Variants in EYS observed in about 807,000 individuals in gnomAD.
EYS encodes the protein EGF-like photoreceptor maintenance factor.
In EYS, 250 loss-of-function variants were observed where a neutral mutation model predicts 282.1. The observed-to-expected ratio is 0.89, with a 90% confidence interval of 0.80 to 0.98. The LOEUF (loss-of-function observed/expected upper bound fraction) is 0.98, where lower values mean the gene tolerates loss of function less well. Among genes scored for constraint, EYS ranks in the 50% least tolerant of loss-of-function variants. The pLI, the probability that EYS is intolerant of heterozygous loss-of-function variation, is 0.00. For synonymous variants in EYS, 1,355 were observed against 1,282.9 expected (o/e 1.06, Z -1.20); for missense variants, 4,016 against 3,709.0 (o/e 1.08, Z -2.15).
chr6:64,315,454 A>G (rs944072126), intron 29 of EYS, among the ~76,000 whole-genome samples: 19 of 151,982 alleles, frequency 1.3e-4, no homozygotes, highest in African/African-American at 4.4e-4. Flanking sequence ...CCTGGCAGAG[A>G]CACATACACA....
intron 18 of EYS, among the ~76,000 whole-genome samples, chr6:64,887,055 A>C (rs1767114572): frequency 6.6e-6 from 1 of 151,858 alleles, no homozygotes; most frequent in Admixed American, 6.6e-5. Context: ...TTTGAAAAAC[A>C]ATGTGTTGGG....
intron 12 of EYS, among the ~76,000 whole-genome samples, chr6:65,212,181 G>A (rs1263009383): frequency 3.3e-5 from 5 of 152,066 alleles, no homozygotes; most frequent in Non-Finnish European, 7.4e-5. Context: ...AATGGATGGA[G>A]ATGGGAATTT....
chr6:63,865,656 C>T (rs1772654432), intron 35 of EYS, among the ~76,000 whole-genome samples: 1 of 151,932 alleles, frequency 6.6e-6, no homozygotes, highest in Non-Finnish European at 1.5e-5. Flanking sequence ...GTAGATCTTA[C>T]CCATACCATG....
At chr6:65,199,432 A>G (rs1765847105) in intron 12 of EYS, among the ~76,000 whole-genome samples, 1 of 152,140 alleles carries the variant, frequency 6.6e-6, no homozygotes, top group Non-Finnish European at 1.5e-5. Flanking sequence ...GAGGCTTCTA[A>G]TATTTCATTC....
At chr6:64,744,600 CTTTAA>C (rs777025630) in intron 22 of EYS, among the ~76,000 whole-genome samples, 14 of 152,174 alleles carry the variant, frequency 9.2e-5, no homozygotes, top group Non-Finnish European at 1.8e-4. Flanking sequence ...GTTATTAAAA[CTTTAA>C]TTTAGTAAAA....
chr6:64,425,012 C>T (rs557307089), intron 28 of EYS, among the ~76,000 whole-genome samples: 14 of 152,144 alleles, frequency 9.2e-5, no homozygotes, highest in African/African-American at 2.4e-4. Context: ...ATACTGAAAA[C>T]GACACATTAT....
At chr6:64,677,341 A>G (rs951137411) in intron 22 of EYS, among the ~76,000 whole-genome samples, 1 of 152,172 alleles carries the variant, frequency 6.6e-6, no homozygotes, top group Non-Finnish European at 1.5e-5. Flanking sequence ...AAAAAAACGC[A>G]ATGCTACTTT....
intron 14 of EYS, among the ~76,000 whole-genome samples, chr6:64,978,626 G>A (rs942621556): frequency 2.0e-5 from 3 of 151,862 alleles, no homozygotes; most frequent in African/African-American, 7.3e-5. Context: ...TTTCTCTGAT[G>A]GATCTGGGAT....
At chr6:65,272,794 G>C (rs1161424151) in intron 12 of EYS, among the ~76,000 whole-genome samples, 1 of 151,954 alleles carries the variant, frequency 6.6e-6, no homozygotes, top group African/African-American at 2.4e-5. Flanking sequence ...AAAATATCTT[G>C]ACATTAAAAA....
At chr6:64,927,110 G>A (rs1001794585) in intron 15 of EYS, among the ~76,000 whole-genome samples, 1 of 152,244 alleles carries the variant, frequency 6.6e-6, no homozygotes, top group Non-Finnish European at 1.5e-5. Flanking sequence ...AACTGATTCT[G>A]CATGAAAATT....
chr6:64,575,182 T>A (rs1262737522), intron 26 of EYS, among the ~76,000 whole-genome samples: 1 of 152,174 alleles, frequency 6.6e-6, no homozygotes, highest in Non-Finnish European at 1.5e-5. Flanking sequence ...TGTTTCCAAA[T>A]TATACACAGA....
intron 13 of EYS, among the ~76,000 whole-genome samples, chr6:65,054,505 G>C (rs1442312696): frequency 6.6e-6 from 1 of 151,922 alleles, no homozygotes; most frequent in African/African-American, 2.4e-5. Flanking sequence ...CTACATACAA[G>C]ATAATTAAGC....
chr6:65,090,801 A>C (rs532448128), intron 12 of EYS, among the ~76,000 whole-genome samples: 1 of 152,234 alleles, frequency 6.6e-6, no homozygotes, highest in African/African-American at 2.4e-5. Context: ...AGTAATTGAC[A>C]AAGTAATTGT....
intron 1 of EYS, among the ~76,000 whole-genome samples, chr6:65,692,517 T>G (rs1198682806): frequency 6.7e-6 from 1 of 150,330 alleles, no homozygotes; most frequent in Non-Finnish European, 1.5e-5. Context: ...CATACTTGTT[T>G]CCTGGTAATG....
intron 2 of EYS, among the ~76,000 whole-genome samples, chr6:65,555,830 T>G: frequency 6.6e-6 from 1 of 152,172 alleles, no homozygotes; most frequent in East Asian, 1.9e-4. Flanking sequence ...GTATAAAAAA[T>G]GCAGATTTTC....
intron 1 of EYS, among the ~76,000 whole-genome samples, chr6:65,647,774 A>G (rs1767503584): frequency 6.6e-6 from 1 of 152,146 alleles, no homozygotes; most frequent in Non-Finnish European, 1.5e-5. Context: ...TTATATATCC[A>G]ACAAAGGACT....
intron 12 of EYS, among the ~76,000 whole-genome samples, chr6:65,158,823 A>G (rs918654916): frequency 8.6e-5 from 13 of 150,992 alleles, no homozygotes; most frequent in African/African-American, 3.1e-4. Flanking sequence ...ATACACCCAT[A>G]GATAATGCAA....
intron 5 of EYS, among the ~76,000 whole-genome samples, chr6:65,417,130 CTGTAGTAGTATTCAT>C (rs1004383343): frequency 4.8e-4 from 73 of 151,914 alleles, no homozygotes; most frequent in African/African-American, 1.5e-3. Flanking sequence ...CATTGTAAAG[CTGTAGTAGTATTCAT>C]TGTAGTAGTA....
intron 12 of EYS, among the ~76,000 whole-genome samples, chr6:65,071,654 C>T (rs17410730): frequency 0.24 from 35,836 of 151,682 alleles, 4,912 homozygotes; most frequent in South Asian, 0.32. Context: ...ATCTGTTCAA[C>T]TGACAACCAA....
Sources: gnomAD v4.1 joint callset for allele counts (sites outside exome capture counted in the v4.1 genomes callset) on GRCh38, gnomAD v4.1.1 for gene constraint, MANE v1.5 for transcripts, NCBI Gene and HGNC (gene_info 2026-07-23, HGNC 2026-07-21) for gene names.